MYT1L: variants seen among roughly 807,000 people sequenced by gnomAD.
MYT1L encodes myelin transcription factor 1-like protein.
Under a neutral mutation model 126.7 loss-of-function variants are expected in MYT1L, and 12 were observed. The ratio of observed to expected loss-of-function variants is 0.09; its 90% confidence interval spans 0.06 to 0.15. The LOEUF (loss-of-function observed/expected upper bound fraction) is 0.15, where lower values mean the gene tolerates loss of function less well. Among genes scored for constraint, MYT1L ranks in the 10% least tolerant of loss-of-function variants. The pLI is 1.00. For synonymous variants in MYT1L, 541 were observed against 604.2 expected, an observed-to-expected ratio of 0.90 and a Z score of 1.53; for missense variants, 979 against 1,585.2, an observed-to-expected ratio of 0.62 and a Z score of 6.49.
At chr2:2,191,868 C>T (rs75387330) in intron 2 of MYT1L, among the ~76,000 whole-genome samples, 4,171 of 152,308 alleles carry the variant, frequency 0.027, 87 homozygotes, top group Non-Finnish European at 0.042. Context: ...ATGAATTCAG[C>T]GTTGCTGCAC....
chr2:1,837,360 C>G (rs1238822850), intron 21 of MYT1L, among the ~76,000 whole-genome samples: 2 of 152,122 alleles, frequency 1.3e-5, no homozygotes, highest in Non-Finnish European at 2.9e-5. Context: ...GTCAGGTTAG[C>G]GAAACATACA....
chr2:1,835,015 CACGGGG>C (rs1558696794), intron 21 of MYT1L, among the ~76,000 whole-genome samples: 2,756 of 125,284 alleles, frequency 0.022, 352 homozygotes, highest in African/African-American at 0.066. Flanking sequence ...CTCCACATAC[CACGGGG>C]ATGGATACAG....
At chr2:1,959,822 G>A (rs1003094583) in intron 8 of MYT1L, among the ~76,000 whole-genome samples, 26 of 152,182 alleles carry the variant, frequency 1.7e-4, no homozygotes, top group African/African-American at 5.3e-4. Flanking sequence ...ATACGGTGTG[G>A]AGGCCATGAA....
intron 2 of MYT1L, among the ~76,000 whole-genome samples, chr2:2,269,014 C>T (rs181431102): frequency 4.1e-4 from 62 of 152,094 alleles, no homozygotes; most frequent in African/African-American, 1.3e-3. Flanking sequence ...GCATTCGGGG[C>T]GATGTGTAGA....
chr2:2,241,005 T>C (rs940527641), intron 2 of MYT1L, among the ~76,000 whole-genome samples: 3 of 152,172 alleles, frequency 2.0e-5, no homozygotes, highest in African/African-American at 4.8e-5. Flanking sequence ...ACTTCACGTA[T>C]TGGAGAGAGA....
chr2:1,915,542 T>C (rs1159873537), intron 11 of MYT1L, among the ~76,000 whole-genome samples: 1 of 152,206 alleles, frequency 6.6e-6, no homozygotes, highest in Non-Finnish European at 1.5e-5. Context: ...AATGTAGGTC[T>C]TATAAAACAC....
At chr2:2,131,303 A>C (rs1031414828) in intron 3 of MYT1L, among the ~76,000 whole-genome samples, 3 of 152,246 alleles carry the variant, frequency 2.0e-5, no homozygotes, top group Non-Finnish European at 4.4e-5. Context: ...ACAGATGCGC[A>C]TAAATCAAAC....
At chr2:1,813,491 C>T (rs1169625720) in intron 21 of MYT1L, among the ~76,000 whole-genome samples, 14 of 152,166 alleles carry the variant, frequency 9.2e-5, no homozygotes, top group African/African-American at 3.1e-4. Flanking sequence ...CCCAAACTCC[C>T]GGCCGTGGCC....
In MYT1L at chr2:2,224,001, G is replaced by A. The variant is rs1481946037; in HGVS notation, c.-420-51013C>T. On this transcript the variant is annotated intron_variant, in intron 2 of 24. Coordinates refer to ENST00000647738, the MANE Select transcript of MYT1L (RefSeq NM_001303052.2). This position sits in a 1 kb window ranked among gnomAD's most constrained non-coding sequence, Gnocchi z 4.0. ...CCCTTTGTGTTGCTTTGACTGAGTTGACAGGTGGAGTGTGTATGTTGTGTG... is the reference window on the plus strand; with the variant it reads ...CCCTTTGTGTTGCTTTGACTGAGTTAACAGGTGGAGTGTGTATGTTGTGTG... 6.6e-6 allele frequency among the ~76,000 whole-genome samples: 1 copy of A among 152,158 alleles called. No individual in the cohort carries two copies. Among genetic ancestry groups the A allele is most frequent in the East Asian group, 1.9e-4 (1 of 5,186 alleles).
At chr2:2,238,597 G>A (rs774406612) in intron 2 of MYT1L, among the ~76,000 whole-genome samples, 1 of 152,178 alleles carries the variant, frequency 6.6e-6, no homozygotes, top group Non-Finnish European at 1.5e-5. Flanking sequence ...CTAAGGGATC[G>A]GCACCCACCA....
intron 11 of MYT1L, among the ~76,000 whole-genome samples, chr2:1,913,670 A>G (rs1183540085): frequency 1.3e-5 from 2 of 151,914 alleles, no homozygotes; most frequent in African/African-American, 4.8e-5. Context: ...CTTTCCTTTT[A>G]TGGTAAACTT....
At chr2:2,250,095 C>T (rs1417494914) in intron 2 of MYT1L, among the ~76,000 whole-genome samples, 1 of 152,010 alleles carries the variant, frequency 6.6e-6, no homozygotes, top group African/African-American at 2.4e-5. Flanking sequence ...AGTACAACCA[C>T]TATAGAGAAC....
intron 18 of MYT1L, among the ~76,000 whole-genome samples, chr2:1,871,827 A>G (rs1425411708): frequency 1.3e-5 from 2 of 152,160 alleles, no homozygotes; most frequent in Middle Eastern, 3.2e-3. Context: ...TGCCACTAGC[A>G]TGGATAAGAG....
chr2:2,051,505 C>T (rs1006544707), intron 4 of MYT1L, among the ~76,000 whole-genome samples: 1 of 152,160 alleles, frequency 6.6e-6, no homozygotes, highest in Non-Finnish European at 1.5e-5. Flanking sequence ...TGGACACCAG[C>T]GTATCTTCAA....
chr2:1,969,136 T>A (rs1041380158), intron 8 of MYT1L, among the ~76,000 whole-genome samples: 1 of 152,198 alleles, frequency 6.6e-6, no homozygotes, highest in Non-Finnish European at 1.5e-5. Context: ...TGATTAGAAA[T>A]CACCCTCCAG....
intron 2 of MYT1L, among the ~76,000 whole-genome samples, chr2:2,255,222 G>A (rs73913285): frequency 1.3e-4 from 20 of 152,152 alleles, no homozygotes; most frequent in East Asian, 7.7e-4. Context: ...GCAGCTCCCC[G>A]TCCTGACAGC....
chr2:2,187,105 G>A (rs1017072111), intron 2 of MYT1L, among the ~76,000 whole-genome samples: 25 of 152,160 alleles, frequency 1.6e-4, no homozygotes, highest in African/African-American at 5.8e-4. Flanking sequence ...GCAGGTTGCA[G>A]GCACAGTGAG....
chr2:2,059,769 GATAA>G lies in MYT1L; in HGVS notation c.-303-5650_-303-5647del, dbSNP rs768317595. Among the ~76,000 whole-genome samples, 1 of 152,182 alleles carries G rather than the reference GATAA, an allele frequency of 6.6e-6. No homozygotes were observed. Among genetic ancestry groups the G allele is most frequent in the Non-Finnish European group, 1.5e-5 (1 of 68,022 alleles). ...CAGTACAGAGAAAAATTGTTCTATA[GATAA>G]ATAATTATAAACGGATGACTGTCAC... On this transcript the variant is annotated intron_variant, in intron 3 of 24. Coordinates refer to ENST00000647738, the MANE Select transcript of MYT1L (RefSeq NM_001303052.2). The surrounding 1 kb of genome is among the most constrained non-coding windows in gnomAD (Gnocchi z 4.7).
At chr2:2,120,059 C>G (rs2080776743) in intron 3 of MYT1L, among the ~76,000 whole-genome samples, 1 of 152,110 alleles carries the variant, frequency 6.6e-6, no homozygotes, top group Non-Finnish European at 1.5e-5. Flanking sequence ...TTGCCCAGCT[C>G]GTTACAAAAT....
Sources: allele counts gnomAD v4.1 joint callset (sites outside exome capture counted in the v4.1 genomes callset), GRCh38; gene constraint gnomAD v4.1.1; non-coding constraint Gnocchi (gnomAD v3.1); transcripts MANE v1.5; gene names NCBI Gene and HGNC (gene_info 2026-07-23, HGNC 2026-07-21).